Variants in NXN observed in about 807,000 individuals in gnomAD.
NXN encodes nucleoredoxin 1.
In NXN, 16 loss-of-function variants were observed where a neutral mutation model predicts 48.6. The observed-to-expected ratio is 0.33, with a 90% CI of 0.22 to 0.50. The LOEUF is 0.50. Ranked by LOEUF, NXN falls within the 20% of genes least tolerant of loss-of-function variation. NXN has a pLI of 0.98. For synonymous variants in NXN, 281 were observed against 269.6 expected (o/e 1.04, Z -0.41); for missense variants, 492 against 605.5 (o/e 0.81, Z 1.97).
rs1597277179 is a variant in NXN at position 958,655 on chromosome 17, C to T, written c.360+20664G>A. Among the ~76,000 whole-genome samples, 1 of 152,198 alleles carries T rather than the reference C, an allele frequency of 6.6e-6. No homozygotes were observed. The highest frequency in any genetic ancestry group is 1.9e-4 in the East Asian group (1 of 5,176). On this transcript the variant is annotated intron_variant, in intron 1 of 7. Coordinates refer to ENST00000336868, the MANE Select transcript of NXN (RefSeq NM_022463.5). This position sits in a 1 kb window ranked among gnomAD's most constrained non-coding sequence, Gnocchi z 6.9. ...GCGTGGTGGCGTGCGCCTGTAGTCC[C>T]AGCTACTCAGGAGGCTGAGGCAGGA...
chr17:811,884 T>C (rs1370323485), intron 5 of NXN, among the ~76,000 whole-genome samples: 2 of 150,018 alleles, frequency 1.3e-5, no homozygotes, highest in Non-Finnish European at 3.0e-5. Context: ...CCCAAGATGC[T>C]TATAGGACTC....
chr17:882,088 GTTAAA>G (rs2068290642), intron 1 of NXN, among the ~76,000 whole-genome samples: 1 of 152,130 alleles, frequency 6.6e-6, no homozygotes, highest in Non-Finnish European at 1.5e-5. Context: ...ATTTTATTGT[GTTAAA>G]TTAAACCTAA....
At position 958,943 on chromosome 17, in the gene NXN, A is replaced by C. The variant is rs1597277485; in HGVS notation, c.360+20376T>G. The C allele has an allele frequency of 6.2e-6, 1 of 160,780 alleles. No homozygotes were observed. Among genetic ancestry groups the C allele is most frequent in the East Asian group, 1.8e-4 (1 of 5,472 alleles). The allele number at this position is 160,780 out of a possible 1,614,324, so 10.0% of individuals were successfully genotyped here. ...TGAGACTTGTCTTTAAAAAAGAAAC[A>C]CACACACACACATACACACACACAC... On this transcript the variant is annotated intron_variant, in intron 1 of 7. Transcript: ENST00000336868. The surrounding 1 kb of genome is among the most constrained non-coding windows in gnomAD (Gnocchi z 6.9).
intron 1 of NXN, among the ~76,000 whole-genome samples, chr17:962,146 A>G (rs573264371): frequency 6.6e-6 from 1 of 152,346 alleles, no homozygotes; most frequent in South Asian, 2.1e-4. Flanking sequence ...GAAAAGAAGA[A>G]AAGAAGGAAC....
At chr17:896,852 T>C in intron 1 of NXN, 2 of 1,193,334 alleles carry the variant, frequency 1.7e-6, no homozygotes, top group Non-Finnish European at 2.2e-6. Context: ...CACGCGGTCC[T>C]GACCACCCGC....
chr17:944,531 T>C (rs1345431279), intron 1 of NXN, among the ~76,000 whole-genome samples: 1 of 152,130 alleles, frequency 6.6e-6, no homozygotes, highest in Non-Finnish European at 1.5e-5. Context: ...AAGGGGCAAA[T>C]GTAAGGTAGA....
At chr17:915,142 G>T (rs536124452) in intron 1 of NXN, among the ~76,000 whole-genome samples, 1 of 152,062 alleles carries the variant, frequency 6.6e-6, no homozygotes, top group Non-Finnish European at 1.5e-5. Context: ...CACCATATTG[G>T]CCAGGCTGGC....
rs546174883 is a variant in NXN at position 886,963 on chromosome 17, G to C, written c.361-60885C>G. Among the ~76,000 whole-genome samples the C allele has an allele frequency of 2.6e-5, 4 of 152,152 alleles. No homozygotes were observed. The South Asian group carries it at 8.3e-4, about 32-fold the overall frequency. ...TATTTTTTTTCAGATCCAGGCTGGAGTGCAGTGGAGTGATCATGGCTACGG... is the reference window on the plus strand; with the variant it reads ...TATTTTTTTTCAGATCCAGGCTGGACTGCAGTGGAGTGATCATGGCTACGG... On this transcript the variant is annotated intron_variant, in intron 1 of 7. Transcript: ENST00000336868.
At chr17:974,501 T>C (rs2069433803) in intron 1 of NXN, among the ~76,000 whole-genome samples, 1 of 152,100 alleles carries the variant, frequency 6.6e-6, no homozygotes, top group East Asian at 1.9e-4. Context: ...ATAGCATTTA[T>C]TGAGCACTCA....
intron 1 of NXN, among the ~76,000 whole-genome samples, chr17:866,811 A>G (rs886162077): frequency 5.3e-5 from 8 of 152,260 alleles, no homozygotes; most frequent in African/African-American, 1.9e-4. Flanking sequence ...TGATCTGAAA[A>G]TACATATTCT....
At chr17:905,059 G>C (rs1475627874) in intron 1 of NXN, 1 of 152,020 alleles carries the variant, frequency 6.6e-6, no homozygotes, top group Non-Finnish European at 1.5e-5. Context: ...CATACACTCT[G>C]CCAATGAATC....
rs111632848 is a variant in NXN, at chr17:863,790, T to C, written c.361-37712A>G. The C allele has an allele frequency of 3.8e-5, 25 of 656,058 alleles. 1 individual carries two copies. Among genetic ancestry groups the C allele is most frequent in the African/African-American group, 2.2e-4 (12 of 55,648 alleles). 40.6% of individuals were successfully genotyped at this position (656,058 alleles called of 1,614,324 possible). On this transcript the variant is annotated intron_variant, in intron 1 of 7. Transcript: ENST00000336868. ...CACTGTATTTTTGATTCACATCTGG[T>C]TGAAAAAAGTCCACATACAAATGGA...
At chr17:973,293 G>T (rs1253783488) in intron 1 of NXN, among the ~76,000 whole-genome samples, 1 of 152,180 alleles carries the variant, frequency 6.6e-6, no homozygotes, top group Non-Finnish European at 1.5e-5. Context: ...CGTTTCTACA[G>T]CTCCAGAGAT....
chr17:933,726 T>C (rs545107682), intron 1 of NXN, among the ~76,000 whole-genome samples: 1 of 152,150 alleles, frequency 6.6e-6, no homozygotes, highest in African/African-American at 2.4e-5. Context: ...TAAATCCATA[T>C]CCGTATTATT....
intron 1 of NXN, among the ~76,000 whole-genome samples, chr17:955,912 AAG>A (rs765453987): frequency 1.3e-5 from 2 of 151,320 alleles, no homozygotes; most frequent in Non-Finnish European, 1.5e-5. Flanking sequence ...AAAAAAAAAA[AAG>A]AGAGAGAGAG....
intron 1 of NXN, among the ~76,000 whole-genome samples, chr17:856,925 G>T (rs2144766701): frequency 6.6e-6 from 1 of 152,140 alleles, no homozygotes; most frequent in East Asian, 1.9e-4. Flanking sequence ...GGCAACGTAG[G>T]CCTTTTCCAT....
Position 810,270 on chromosome 17 carries a change from TACGAG to T in NXN, c.821-5028_821-5024del, listed in dbSNP as rs1468513298. On this transcript the variant is annotated intron_variant, in intron 5 of 7. Coordinates refer to ENST00000336868, the MANE Select transcript of NXN (RefSeq NM_022463.5). The stretch of plus-strand genomic sequence containing the variant: ...ACGAGTCTGTGAGTGGCGTGCACGT[TACGAG>T]TCTGTGAGTGGCGTGCACGTTACGA... 3.6e-3 allele frequency among the ~76,000 whole-genome samples: 472 copies of T among 132,772 alleles called. 4 individuals are homozygous for T. Among genetic ancestry groups the T allele is most frequent in the African/African-American group, 0.012 (439 of 36,360 alleles). The allele number at this position is 132,772 out of a possible 152,430, so 87.1% of individuals were successfully genotyped here. A position where few individuals can be genotyped will look rare whatever the true frequency, so the allele number is the denominator to read the frequency against.
At position 877,384 on chromosome 17, in the gene NXN, G is replaced by A. The variant is rs181354343; in HGVS notation, c.361-51306C>T. On this transcript the variant is annotated intron_variant, in intron 1 of 7. Transcript: ENST00000336868. ...GATGGTCTCGATCTCCTGACCTCGT[G>A]ATCCACCTGCCTCAGCCTCCCAAAG... Among the ~76,000 whole-genome samples, 1,450 of 152,128 alleles carry A rather than the reference G, an allele frequency of 9.5e-3. 23 individuals are homozygous for A. The highest frequency in any genetic ancestry group is 0.048 in the East Asian group (248 of 5,120).
intron 1 of NXN, chr17:896,854 A>AGCCGGGGGGGG: frequency 1.1e-6 from 1 of 908,610 alleles, no homozygotes; most frequent in Non-Finnish European, 1.5e-6. Flanking sequence ...CGCGGTCCTG[A>AGCCGGGGGGGG]CCACCCGCCC....
Sources: allele counts gnomAD v4.1 joint callset (sites outside exome capture counted in the v4.1 genomes callset), GRCh38; gene constraint gnomAD v4.1.1; non-coding constraint Gnocchi (gnomAD v3.1); transcripts MANE v1.5; gene names NCBI Gene and HGNC (gene_info 2026-07-23, HGNC 2026-07-21).